The following DIAPH2 variants were observed in gnomAD, a reference collection of about 807,000 sequenced individuals.
DIAPH2 encodes diaphanous related formin 2.
In DIAPH2, 35 loss-of-function variants were observed where a neutral mutation model predicts 92.7. That is an observed-to-expected ratio of 0.38 (90% CI 0.29 to 0.50). The LOEUF is 0.50. Ranked by LOEUF, DIAPH2 falls within the 20% of genes least tolerant of loss-of-function variation. DIAPH2 has a pLI of 0.94. For synonymous variants in DIAPH2, 301 were observed against 280.4 expected, an observed-to-expected ratio of 1.07 and a Z score of -0.73; for missense variants, 701 against 819.5, an observed-to-expected ratio of 0.86 and a Z score of 1.77.
chrX:97,006,762 A>C (rs1472025955), intron 17 of DIAPH2, among the ~76,000 whole-genome samples: 9 of 111,870 alleles, frequency 8.0e-5, no homozygotes. Flanking sequence ...TAGTGCACTT[A>C]CATTCAATGT....
At chrX:97,483,306 T>C (rs1444455389) in intron 26 of DIAPH2, among the ~76,000 whole-genome samples, 4 of 111,085 alleles carry the variant, frequency 3.6e-5, no homozygotes, top group Non-Finnish European at 7.5e-5. Flanking sequence ...ATGAAGCTTG[T>C]CCTTAGATTT....
intron 26 of DIAPH2, among the ~76,000 whole-genome samples, chrX:97,438,665 C>A (rs758334613): frequency 8.2e-5 from 9 of 110,043 alleles, no homozygotes; most frequent in Non-Finnish European, 1.3e-4. Context: ...GCATAAGCCA[C>A]CACGCCACAC....
At chrX:97,191,121 G>C (rs1308763517) in intron 22 of DIAPH2, among the ~76,000 whole-genome samples, 1 of 110,234 alleles carries the variant, frequency 9.1e-6, no homozygotes, top group East Asian at 2.9e-4. Flanking sequence ...CTGAGGTCAG[G>C]AGTTCAAGAC....
chrX:97,140,991 C>T (rs912747049), intron 21 of DIAPH2, among the ~76,000 whole-genome samples: 3 of 111,446 alleles, frequency 2.7e-5, no homozygotes, highest in Non-Finnish European at 5.7e-5. Flanking sequence ...AATTATATTG[C>T]AGCACTAGAT....
intron 10 of DIAPH2, among the ~76,000 whole-genome samples, 176 bp downstream of exon 10, chrX:96,931,019 A>G (rs990934604): frequency 8.9e-5 from 10 of 112,160 alleles, no homozygotes; most frequent in African/African-American, 3.2e-4. Context: ...ACAAATGATG[A>G]TTCAGAATTC....
At chrX:97,237,806 C>T (rs1162457315) in intron 22 of DIAPH2, among the ~76,000 whole-genome samples, 1 of 110,921 alleles carries the variant, frequency 9.0e-6, no homozygotes, top group Admixed American at 9.6e-5. Flanking sequence ...TGGTCTCCAT[C>T]TCCTGACCTC....
At chrX:97,510,543 G>T (rs1318596241) in intron 26 of DIAPH2, among the ~76,000 whole-genome samples, 1 of 106,074 alleles carries the variant, frequency 9.4e-6, no homozygotes, top group African/African-American at 3.4e-5. Flanking sequence ...TTTGGCTTTT[G>T]TTGCCATTGC....
intron 26 of DIAPH2, among the ~76,000 whole-genome samples, chrX:97,539,970 A>G (rs2071127238): frequency 8.9e-6 from 1 of 111,966 alleles, no homozygotes; most frequent in South Asian, 3.7e-4. Context: ...ATTTAGGATT[A>G]TGCTGAATTT....
intron 17 of DIAPH2, among the ~76,000 whole-genome samples, chrX:96,992,930 C>T (rs1232110814): frequency 8.9e-6 from 1 of 112,457 alleles, no homozygotes; most frequent in Non-Finnish European, 1.9e-5. Context: ...TGTTCTCTCT[C>T]TCCCAAAAGA....
chrX:96,736,307 G>T, intron 2 of DIAPH2, among the ~76,000 whole-genome samples: 1 of 107,531 alleles, frequency 9.3e-6, no homozygotes, highest in Middle Eastern at 4.7e-3. Flanking sequence ...AGCCTTGTCA[G>T]TTTTTTTTTT....
chrX:97,464,898 G>C (rs1405882500), intron 26 of DIAPH2, among the ~76,000 whole-genome samples: 1 of 111,448 alleles, frequency 9.0e-6, no homozygotes, highest in Non-Finnish European at 1.9e-5. Flanking sequence ...GCCCAGGCTG[G>C]AGTGCAATGG....
chrX:96,829,837 A>G (rs909717454), intron 4 of DIAPH2, among the ~76,000 whole-genome samples: 2 of 110,480 alleles, frequency 1.8e-5, no homozygotes, highest in African/African-American at 6.6e-5. Flanking sequence ...TTAGTATAGT[A>G]ATAAGAGAGA....
intron 22 of DIAPH2, among the ~76,000 whole-genome samples, chrX:97,239,692 A>G (rs1382599691): frequency 9.0e-6 from 1 of 111,237 alleles, no homozygotes; most frequent in Non-Finnish European, 1.9e-5. Flanking sequence ...CCTAGTTTAT[A>G]TTAGTGAACT....
intron 24 of DIAPH2, among the ~76,000 whole-genome samples, chrX:97,355,849 T>C (rs1294853301): frequency 9.0e-6 from 1 of 111,606 alleles, no homozygotes; most frequent in African/African-American, 3.3e-5. Flanking sequence ...TAGTCACCAG[T>C]TGAAATTTGC....
intron 21 of DIAPH2, among the ~76,000 whole-genome samples, chrX:97,132,302 C>T (rs990298227): frequency 4.5e-5 from 5 of 111,312 alleles, no homozygotes; most frequent in African/African-American, 1.6e-4. Flanking sequence ...CTCTTTCCAC[C>T]GTAAATTACA....
chrX:97,287,990 T>C (rs2068559614), intron 23 of DIAPH2, among the ~76,000 whole-genome samples: 1 of 104,343 alleles, frequency 9.6e-6, no homozygotes, highest in Non-Finnish European at 1.9e-5. Context: ...ATTAATGCCT[T>C]CACAAAGACA....
rs113946170 is a variant in DIAPH2 at position 97,167,232 on chromosome X, C to CT, written c.2719+25448dup. ...TTTCCTCTAGGGCGCTATTCTGAAA[C>CT]TTTTTTTTTTATCTTAGAACCTCTT... is the stretch of plus-strand genomic sequence containing the variant. On this transcript the variant is annotated intron_variant, in intron 22 of 26. Coordinates refer to ENST00000324765, the MANE Select transcript of DIAPH2 (RefSeq NM_006729.5). 7.1e-3 allele frequency among the ~76,000 whole-genome samples: 763 copies of CT among 108,114 alleles called. 5 individuals carry two copies. The highest frequency in any genetic ancestry group is 0.024 in the African/African-American group (703 of 29,797). 93.9% of individuals were successfully genotyped at this position (108,114 alleles called of 115,157 possible).
chrX:97,466,804 T>A (rs1301240652), intron 26 of DIAPH2, among the ~76,000 whole-genome samples: 1 of 112,330 alleles, frequency 8.9e-6, no homozygotes, highest in Non-Finnish European at 1.9e-5. Context: ...TCCATTTGTG[T>A]TTGCCTGGTT....
intron 22 of DIAPH2, among the ~76,000 whole-genome samples, chrX:97,189,478 T>A (rs1252401939): frequency 1.3e-5 from 1 of 79,712 alleles, no homozygotes; most frequent in Non-Finnish European, 2.2e-5. Context: ...TGCTAAGTAA[T>A]GGCTGGACAC....
Sources: gnomAD v4.1 joint callset for allele counts (sites outside exome capture counted in the v4.1 genomes callset) on GRCh38, gnomAD v4.1.1 for gene constraint, MANE v1.5 for transcripts, NCBI Gene and HGNC (gene_info 2026-07-23, HGNC 2026-07-21) for gene names.